Variants in SYT14 observed in about 807,000 individuals in gnomAD.
SYT14 encodes synaptotagmin 14.
A neutral mutation model predicts 74.2 loss-of-function variants in SYT14; 32 were observed. The ratio of observed to expected loss-of-function variants is 0.43; its 90% CI spans 0.33 to 0.58. The LOEUF (loss-of-function observed/expected upper bound fraction) is 0.58, where lower values mean the gene tolerates loss of function less well. Ranked by LOEUF, SYT14 falls within the 20% of genes least tolerant of loss-of-function variation. The probability of loss-of-function intolerance (pLI) is 0.05; values close to 1 mark genes in which losing one functional copy is unlikely to be tolerated. For synonymous variants in SYT14, 298 were observed against 337.7 expected, an observed-to-expected ratio of 0.88 and a Z score of 1.29; for missense variants, 791 against 981.8, an observed-to-expected ratio of 0.81 and a Z score of 2.60.
chr1:209,959,064 C>T (rs2079035611), intron 2 of SYT14, among the ~76,000 whole-genome samples: 2 of 152,054 alleles, frequency 1.3e-5, no homozygotes, highest in Admixed American at 1.3e-4. Flanking sequence ...TAGGCCTATA[C>T]CCAAGAAAAT....
chr1:210,066,788 A>G (rs1361899216), intron 5 of SYT14, among the ~76,000 whole-genome samples: 2 of 152,022 alleles, frequency 1.3e-5, no homozygotes, highest in Non-Finnish European at 2.9e-5. Flanking sequence ...CAGCGTGAGA[A>G]CGGACTAATA....
At chr1:210,153,329 A>C (rs1219712191) in intron 7 of SYT14, among the ~76,000 whole-genome samples, 1 of 152,150 alleles carries the variant, frequency 6.6e-6, no homozygotes, top group Non-Finnish European at 1.5e-5. Context: ...AATGAAGTCA[A>C]ACAATTCAAA....
intron 1 of SYT14, among the ~76,000 whole-genome samples, chr1:209,948,423 G>A (rs2078856605): frequency 1.3e-5 from 2 of 152,174 alleles, no homozygotes; most frequent in South Asian, 2.1e-4. Context: ...AGAGGATTAT[G>A]CCAGTTTGCA....
intron 2 of SYT14, among the ~76,000 whole-genome samples, chr1:209,991,608 T>A (rs2079687747): frequency 6.6e-6 from 1 of 152,186 alleles, no homozygotes; most frequent in Non-Finnish European, 1.5e-5. Flanking sequence ...TCAGAATAGC[T>A]GTTATTAAAA....
At chr1:210,018,790 T>C (rs2080240352) in intron 4 of SYT14, among the ~76,000 whole-genome samples, 1 of 152,058 alleles carries the variant, frequency 6.6e-6, no homozygotes, top group African/African-American at 2.4e-5. Context: ...AGCTGAATGG[T>C]AATATTACTG....
intron 1 of SYT14, among the ~76,000 whole-genome samples, chr1:209,938,683 C>A (rs34437895): frequency 0.025 from 3,811 of 152,180 alleles, 69 homozygotes; most frequent in Middle Eastern, 0.065. Context: ...TCTTTTCTTT[C>A]CCCGGCCGCG....
At chr1:210,018,284 C>G (rs2102940747) in intron 4 of SYT14, among the ~76,000 whole-genome samples, 1 of 152,282 alleles carries the variant, frequency 6.6e-6, no homozygotes, top group African/African-American at 2.4e-5. Context: ...CAGGCACGCA[C>G]CACCACGCCC....
intron 3 of SYT14, among the ~76,000 whole-genome samples, chr1:210,014,825 G>A (rs1423186372): frequency 6.6e-6 from 1 of 151,940 alleles, no homozygotes; most frequent in African/African-American, 2.4e-5. Flanking sequence ...ACTGGCCTTT[G>A]GTAATTCTCT....
intron 5 of SYT14, among the ~76,000 whole-genome samples, chr1:210,091,425 A>C (rs970358862): frequency 6.6e-6 from 1 of 152,222 alleles, no homozygotes; most frequent in Admixed American, 6.5e-5. Context: ...GCAGTGCCTT[A>C]TGCCTGTAAT....
At chr1:210,004,299 C>T (rs748243566) in intron 2 of SYT14, among the ~76,000 whole-genome samples, 16 of 151,998 alleles carry the variant, frequency 1.1e-4, no homozygotes, top group Non-Finnish European at 1.9e-4. Context: ...AATTAGCAAT[C>T]ATGCCCTACC....
exon 8 of SYT14, chr1:210,155,742 G>T (rs192258059): frequency 5.6e-6 from 9 of 1,614,016 alleles, no homozygotes; most frequent in Non-Finnish European, 7.6e-6. Context: ...CCAAATGAGC[G>T]TGTCAGAAAT....
intron 2 of SYT14, among the ~76,000 whole-genome samples, chr1:209,976,980 G>A (rs1192917028): frequency 2.6e-5 from 4 of 152,030 alleles, no homozygotes; most frequent in Non-Finnish European, 4.4e-5. Context: ...TGTCTCTTTT[G>A]ATCTTTGTTG....
exon 4 of SYT14, chr1:210,017,041 C>T (rs552618672): frequency 3.2e-6 from 4 of 1,231,622 alleles, no homozygotes; most frequent in African/African-American, 3.1e-5. Context: ...CCATTTCTGC[C>T]AAGAAAGGAA....
intron 2 of SYT14, among the ~76,000 whole-genome samples, chr1:209,957,336 G>T (rs1054699637): frequency 1.3e-5 from 2 of 152,028 alleles, no homozygotes; most frequent in Non-Finnish European, 2.9e-5. Flanking sequence ...TTATGATTTG[G>T]TAAGTTTTCT....
chr1:210,021,329 TCTGTGG>T (rs1203744748), intron 5 of SYT14, 75 bp downstream of exon 4: 1 of 1,325,998 alleles, frequency 7.5e-7, no homozygotes, highest in Non-Finnish European at 1.1e-6. Context: ...ATTCTAGGAA[TCTGTGG>T]TTGCAGAATA....
At chr1:210,099,616 C>G (rs1033724565) in intron 6 of SYT14, among the ~76,000 whole-genome samples, 45 of 152,212 alleles carry the variant, frequency 3.0e-4, no homozygotes, top group African/African-American at 1.1e-3. Context: ...TGTTCTCTTT[C>G]TCTGCAGCCT....
At chr1:210,163,188 C>G (rs2083407756) in exon 10 of SYT14, 1 of 453,530 alleles carries the variant, frequency 2.2e-6, no homozygotes, top group Non-Finnish European at 4.4e-6. Flanking sequence ...TAGTGAAACA[C>G]ATTAGTAAGA....
intron 7 of SYT14, among the ~76,000 whole-genome samples, chr1:210,111,381 ACTT>A (rs1029436817): frequency 6.6e-6 from 1 of 151,640 alleles, no homozygotes; most frequent in Admixed American, 6.6e-5. Flanking sequence ...GGCCATTTTC[ACTT>A]CTTTTGTCAT....
intron 5 of SYT14, among the ~76,000 whole-genome samples, chr1:210,091,270 A>G (rs575942661): frequency 8.5e-5 from 13 of 152,338 alleles, no homozygotes; most frequent in African/African-American, 3.1e-4. Flanking sequence ...AGCAAACCAA[A>G]GGAAATAAGG....
Sources: allele counts gnomAD v4.1 joint callset (sites outside exome capture counted in the v4.1 genomes callset), GRCh38; gene constraint gnomAD v4.1.1; transcripts MANE v1.5; gene names NCBI Gene and HGNC (gene_info 2026-07-23, HGNC 2026-07-21).